Variants in XPO5 observed in about 807,000 individuals in gnomAD.
XPO5 encodes exportin-5.
XPO5 carries 46 observed loss-of-function variants against 160.6 expected under a neutral mutation model. That is an observed-to-expected ratio of 0.29 (90% CI 0.23 to 0.37). The LOEUF (loss-of-function observed/expected upper bound fraction) is 0.37, where lower values mean the gene tolerates loss of function less well. Among genes scored for constraint, XPO5 ranks in the 10% least tolerant of loss-of-function variants. The pLI, the probability that XPO5 is intolerant of heterozygous loss-of-function variation, is 1.00. For synonymous variants in XPO5, 537 were observed against 519.3 expected (o/e 1.03, Z -0.46); for missense variants, 1,090 against 1,463.9 (o/e 0.74, Z 4.17).
intron 10 of XPO5, 29 bp downstream of exon 10, chr6:43,560,895 T>C (rs777021253): frequency 6.3e-7 from 1 of 1,584,494 alleles, no homozygotes; most frequent in Non-Finnish European, 8.7e-7. Flanking sequence ...CTAACTAAAC[T>C]TTTGAGAAGT....
At chr6:43,554,963 T>TG (rs1337240913) in intron 13 of XPO5, 2 of 142,894 alleles carry the variant, frequency 1.4e-5, no homozygotes, top group Non-Finnish European at 3.0e-5. Flanking sequence ...TTTTTTGAGA[T>TG]GGAGTTTTGC....
At chr6:43,525,330 G>C (rs1407224836) in intron 28 of XPO5, 116 bp from the exon 29 acceptor site, 2 of 1,007,104 alleles carry the variant, frequency 2.0e-6, no homozygotes, top group Non-Finnish European at 1.4e-6. Context: ...TCTAAAGATG[G>C]GTTTGTTTTG....
chr6:43,526,374 G>A, intron 27 of XPO5: 1 of 450,160 alleles, frequency 2.2e-6, no homozygotes, highest in East Asian at 4.0e-5. Flanking sequence ...GGAATACAGA[G>A]TAGCTGGGGT....
At chr6:43,533,688 G>C in intron 21 of XPO5, 1 of 302,210 alleles carries the variant, frequency 3.3e-6, no homozygotes, top group South Asian at 3.4e-5. Flanking sequence ...AAATTTTAAA[G>C]TTCGTCTGGC....
chr6:43,529,232 TCTC>T lies in XPO5; in HGVS notation c.2678-310_2678-308del, dbSNP rs769945909. ...CTTGTAACAAACTCTCCTTCACCAT[TCTC>T]CTTATAATTTCAGGTAAGAAAGATT... On this transcript the variant is annotated intron_variant, in intron 23 of 31. Coordinates refer to ENST00000265351, the MANE Select transcript of XPO5 (RefSeq NM_020750.3). The T allele has an allele frequency of 2.3e-5, 32 of 1,397,082 alleles. No individual in the cohort carries two copies. In the African/African-American group the frequency reaches 3.6e-4, roughly 16 times the overall value. The allele number at this position is 1,397,082 out of a possible 1,614,324, so 86.5% of individuals were successfully genotyped here. A position where few individuals can be genotyped will look rare whatever the true frequency, so the allele number is the denominator to read the frequency against.
intron 20 of XPO5, chr6:43,538,782 T>C (rs567996618): frequency 1.1e-4 from 76 of 710,448 alleles, no homozygotes; most frequent in African/African-American, 3.0e-4. Flanking sequence ...TTTTTTTTTT[T>C]CCCACGCTTA....
intron 15 of XPO5, 149 bp from the exon 16 acceptor site, chr6:43,550,083 T>C (rs1228891487): frequency 5.3e-6 from 4 of 748,492 alleles, no homozygotes; most frequent in Non-Finnish European, 8.9e-6. Context: ...GGCATGAGCT[T>C]ATTCATACTG....
chr6:43,545,663 C>T (rs9462903), intron 20 of XPO5, among the ~76,000 whole-genome samples: 358 of 152,096 alleles, frequency 2.4e-3, no homozygotes, highest in African/African-American at 7.6e-3. Flanking sequence ...GCCAAGATTG[C>T]ACCACTGCAC....
At chr6:43,566,191 G>A (rs1270409321) in intron 7 of XPO5, among the ~76,000 whole-genome samples, 1 of 152,086 alleles carries the variant, frequency 6.6e-6, no homozygotes, top group Admixed American at 6.6e-5. Flanking sequence ...TCAAAAGTTC[G>A]AGACCAGCCT....
At chr6:43,575,366 A>G (rs1433808065) in intron 1 of XPO5, among the ~76,000 whole-genome samples, 2 of 127,100 alleles carry the variant, frequency 1.6e-5, no homozygotes, top group Non-Finnish European at 3.5e-5. Flanking sequence ...GAGACCATAA[A>G]GAACGAAGCT....
intron 8 of XPO5, among the ~76,000 whole-genome samples, chr6:43,565,253 C>T (rs900219394): frequency 5.3e-5 from 8 of 152,106 alleles, no homozygotes; most frequent in Non-Finnish European, 1.2e-4. Flanking sequence ...AAAACACTGT[C>T]GATTGACAGC....
chr6:43,538,102 A>T (rs1397780340), intron 20 of XPO5, among the ~76,000 whole-genome samples: 1 of 142,752 alleles, frequency 7.0e-6, no homozygotes, highest in Non-Finnish European at 1.5e-5. Context: ...AAAAAAAAAA[A>T]GGCAAGGAAC....
intron 3 of XPO5, 72 bp from the exon 4 acceptor site, chr6:43,571,066 TAG>T (rs1762984322): frequency 6.7e-7 from 1 of 1,501,244 alleles, no homozygotes; most frequent in African/African-American, 1.4e-5. Context: ...AGCTGGGCTG[TAG>T]AGTTGTAAAA....
chr6:43,574,876 T>C (rs1309820578), intron 1 of XPO5, among the ~76,000 whole-genome samples: 3 of 151,846 alleles, frequency 2.0e-5, no homozygotes, highest in African/African-American at 7.3e-5. Context: ...CCAAACCCTG[T>C]GGCAGACATC....
intron 17 of XPO5, among the ~76,000 whole-genome samples, chr6:43,549,031 A>C (rs1171404169): frequency 6.6e-6 from 1 of 152,182 alleles, no homozygotes; most frequent in Non-Finnish European, 1.5e-5. Context: ...TAACTATACT[A>C]CTAAGTATAC....
intron 17 of XPO5, among the ~76,000 whole-genome samples, 187 bp downstream of exon 17, chr6:43,549,302 G>A (rs1426711227): frequency 6.6e-6 from 1 of 152,162 alleles, no homozygotes; most frequent in Non-Finnish European, 1.5e-5. Context: ...GGCCTCAGGT[G>A]ATCTACCCAC....
chr6:43,529,200 G>A (rs774365742), intron 23 of XPO5: 4 of 1,435,216 alleles, frequency 2.8e-6, no homozygotes, highest in Non-Finnish European at 3.7e-6. Flanking sequence ...ATAGGAAGGA[G>A]GACATCCTTG....
intron 23 of XPO5, 58 bp downstream of exon 23, chr6:43,530,630 T>C: frequency 8.2e-6 from 13 of 1,590,356 alleles, no homozygotes; most frequent in Admixed American, 1.8e-5. Context: ...TGACCTGTTT[T>C]GTTTCTCTCT....
chr6:43,528,382 C>A (rs1793732874), intron 24 of XPO5, among the ~76,000 whole-genome samples, 177 bp from the exon 25 acceptor site: 1 of 152,086 alleles, frequency 6.6e-6, no homozygotes, highest in Admixed American at 6.6e-5. Flanking sequence ...TTTCTGTAAC[C>A]TATCCCACAT....
Sources: allele counts gnomAD v4.1 joint callset (sites outside exome capture counted in the v4.1 genomes callset), GRCh38; gene constraint gnomAD v4.1.1; transcripts MANE v1.5; gene names NCBI Gene and HGNC (gene_info 2026-07-23, HGNC 2026-07-21).